The following FAM13B variants were observed in gnomAD, a reference collection of about 807,000 sequenced individuals.
FAM13B encodes the protein protein FAM13B.
In FAM13B, 60 loss-of-function variants were observed where a neutral mutation model predicts 117.3. The ratio of observed to expected loss-of-function variants is 0.51; its 90% CI spans 0.42 to 0.63. FAM13B has a LOEUF of 0.63. Ranked by LOEUF, FAM13B falls within the 30% of genes least tolerant of loss-of-function variation. FAM13B has a pLI of 0.00. For missense variants in FAM13B, 972 were observed against 1,091.9 expected, an observed-to-expected ratio of 0.89 and a Z score of 1.55; for synonymous variants, 332 against 356.1, an observed-to-expected ratio of 0.93 and a Z score of 0.76.
rs1760768762 is a variant in FAM13B, at chr5:137,938,479, T to C, written c.*1746A>G. 6.6e-6 allele frequency: 1 copy of C among 152,660 alleles called. No individual in the cohort carries two copies. The highest frequency in any genetic ancestry group is 6.5e-5 in the Admixed American group (1 of 15,286). The allele number at this position is 152,660 out of a possible 1,614,324, so 9.5% of individuals were successfully genotyped here. On this transcript the variant is annotated 3_prime_UTR_variant, in exon 24 of 24. Transcript: ENST00000689681. ...GAAATTATCTGAAATGTACACTGCA[T>C]GATGGATTCAAATAAAAATGATACA...
intron 7 of FAM13B, among the ~76,000 whole-genome samples, chr5:138,005,845 T>C (rs4033314): frequency 0.74 from 112,623 of 151,852 alleles, 42,355 homozygotes; most frequent in East Asian, 0.97. Context: ...CCCTTAGATA[T>C]TACCAGTTAC....
chr5:138,009,533 A>C (rs1783424564), intron 6 of FAM13B, among the ~76,000 whole-genome samples: 1 of 151,956 alleles, frequency 6.6e-6, no homozygotes, highest in Non-Finnish European at 1.5e-5. Flanking sequence ...GACCAGGTGC[A>C]GTGGCTCATG....
chr5:138,010,263 G>A (rs71589395), intron 6 of FAM13B, among the ~76,000 whole-genome samples: 1 of 152,162 alleles, frequency 6.6e-6, no homozygotes, highest in Non-Finnish European at 1.5e-5. Flanking sequence ...TTACAGGCAT[G>A]AGCCACCACG....
chr5:137,971,413 C>T (rs373860647), intron 10 of FAM13B, among the ~76,000 whole-genome samples: 31 of 150,676 alleles, frequency 2.1e-4, no homozygotes, highest in African/African-American at 2.9e-4. Context: ...TTGAAACCAA[C>T]GAGAACAAAG....
At chr5:138,008,872 G>A (rs1314613977) in intron 6 of FAM13B, among the ~76,000 whole-genome samples, 2 of 152,252 alleles carry the variant, frequency 1.3e-5, no homozygotes, top group Non-Finnish European at 2.9e-5. Flanking sequence ...GCCAGGCGCG[G>A]TGGCCCATGC....
chr5:137,947,158 C>G (rs921760827), intron 18 of FAM13B, among the ~76,000 whole-genome samples: 14 of 152,342 alleles, frequency 9.2e-5, no homozygotes, highest in African/African-American at 3.4e-4. Flanking sequence ...GTGTGTTCCA[C>G]AGAATATCCT....
chr5:137,972,124 CA>C (rs1196952049), intron 10 of FAM13B, among the ~76,000 whole-genome samples: 1 of 150,912 alleles, frequency 6.6e-6, no homozygotes, highest in East Asian at 1.9e-4. Flanking sequence ...AGGCCAGCAT[CA>C]TCCTGATACC....
intron 10 of FAM13B, among the ~76,000 whole-genome samples, chr5:137,970,980 A>G (rs1467737539): frequency 6.6e-6 from 1 of 151,982 alleles, no homozygotes; most frequent in Admixed American, 6.6e-5. Flanking sequence ...AGTGACCTAC[A>G]AAGAGACTTA....
At chr5:137,988,364 A>G (rs1455788537) in intron 7 of FAM13B, 49 bp from the exon 8 acceptor site, 1 of 1,462,666 alleles carries the variant, frequency 6.8e-7, no homozygotes, top group East Asian at 2.5e-5. Context: ...ATACTTAATA[A>G]CTACAAAATG....
chr5:137,995,747 T>C (rs1779706672), intron 7 of FAM13B, among the ~76,000 whole-genome samples: 2 of 152,208 alleles, frequency 1.3e-5, no homozygotes, highest in African/African-American at 4.8e-5. Flanking sequence ...CAATAAGTTA[T>C]ATATAACAAG....
intron 1 of FAM13B, chr5:138,039,779 A>C (rs1561558251): frequency 6.6e-6 from 1 of 152,244 alleles, no homozygotes; most frequent in East Asian, 1.9e-4. Context: ...TGGCAAACTG[A>C]CAACGCCAAT....
intron 10 of FAM13B, among the ~76,000 whole-genome samples, chr5:137,976,190 C>T (rs974283506): frequency 6.6e-6 from 1 of 151,898 alleles, no homozygotes; most frequent in Non-Finnish European, 1.5e-5. Context: ...CTCCTGACTT[C>T]GTGATCCACC....
At chr5:138,028,381 C>T (rs1228775385) in intron 1 of FAM13B, among the ~76,000 whole-genome samples, 7 of 152,086 alleles carry the variant, frequency 4.6e-5, no homozygotes, top group Admixed American at 4.6e-4. Flanking sequence ...AACTACAATA[C>T]ACTTCATTTT....
At chr5:138,007,570 A>G (rs1782861807) in intron 6 of FAM13B, among the ~76,000 whole-genome samples, 1 of 152,212 alleles carries the variant, frequency 6.6e-6, no homozygotes, top group Non-Finnish European at 1.5e-5. Flanking sequence ...GTGAAAAAAG[A>G]AGCGCAAAAA....
chr5:138,031,892 T>G (rs554531150), intron 1 of FAM13B, among the ~76,000 whole-genome samples: 1 of 152,298 alleles, frequency 6.6e-6, no homozygotes, highest in South Asian at 2.1e-4. Context: ...AAAACCACCC[T>G]TTAATGTCTG....
Position 137,984,512 on chromosome 5 carries a change from T to A in FAM13B, c.1179+745A>T, listed in dbSNP as rs116070608. ...GAGAGATTTACTCACTTCCCCCGAG[T>A]ATCTCCCATGTATATATGAGGTATA... On this transcript the variant is annotated intron_variant, in intron 10 of 23. Coordinates refer to ENST00000689681, the MANE Select transcript of FAM13B (RefSeq NM_001385994.1). Among the ~76,000 whole-genome samples the A allele has an allele frequency of 1.5e-3, 233 of 152,256 alleles. 1 individual carries two copies. Among genetic ancestry groups the A allele is most frequent in the African/African-American group, 5.3e-3 (219 of 41,556 alleles).
chr5:138,035,633 C>T (rs935275982), upstream of FAM13B, among the ~76,000 whole-genome samples: 2 of 152,136 alleles, frequency 1.3e-5, no homozygotes, highest in Admixed American at 1.3e-4. Context: ...GAATAGAGTC[C>T]TGTTGTCATT....
At chr5:138,025,365 G>A (rs1190852788) in intron 1 of FAM13B, among the ~76,000 whole-genome samples, 3 of 135,726 alleles carry the variant, frequency 2.2e-5, no homozygotes, top group African/African-American at 8.5e-5. Context: ...GCCCAGGCTG[G>A]AGTACAGTGG....
Position 137,955,259 on chromosome 5 carries a change from T to C in FAM13B, c.1508-883A>G, listed in dbSNP as rs1257982677. Among the ~76,000 whole-genome samples the C allele has an allele frequency of 2.6e-5, 4 of 152,216 alleles. No individual in the cohort carries two copies. The East Asian group carries it at 7.7e-4, about 29-fold the overall frequency. On this transcript the variant is annotated intron_variant, in intron 14 of 23. Coordinates refer to ENST00000689681, the MANE Select transcript of FAM13B (RefSeq NM_001385994.1). ...CTCACCAAATGGAGTTCTCTGACTT[T>C]AGAAGAATTCTAATATTCCCAAAGG...
Sources: gnomAD v4.1 joint callset for allele counts (sites outside exome capture counted in the v4.1 genomes callset) on GRCh38, gnomAD v4.1.1 for gene constraint, MANE v1.5 for transcripts, NCBI Gene and HGNC (gene_info 2026-07-23, HGNC 2026-07-21) for gene names.